TSKU: variants seen among roughly 807,000 people sequenced by gnomAD.
The protein encoded by TSKU is tsukushi, small leucine rich proteoglycan, also known as tsukushi.
In TSKU, 4 loss-of-function variants were observed where a neutral mutation model predicts 11.2. The ratio of observed to expected loss-of-function variants is 0.36; its 90% CI spans 0.18 to 0.82. The LOEUF is 0.82. TSKU is among the 40% of genes least tolerant of loss of function. The pLI, the probability that TSKU is intolerant of heterozygous loss-of-function variation, is 0.50. For synonymous variants in TSKU, 220 were observed against 232.2 expected (o/e 0.95, Z 0.48); for missense variants, 407 against 482.5 (o/e 0.84, Z 1.47).
chr11:76,796,332 T>TGCAGAGGCTCCCTGAGCTGGCGC lies in TSKU; in HGVS notation c.717_739dup (p.Pro247ArgfsTer40). The stretch of plus-strand genomic sequence containing the variant: ...CTTACACACCTGTCTCTGGCCAGCC[T>TGCAGAGGCTCCCTGAGCTGGCGC]GCAGAGGCTCCCTGAGCTGGCGCCC... On this transcript the variant is annotated frameshift_variant, in exon 2 of 2. Coordinates refer to ENST00000333090, the MANE Select transcript of TSKU (RefSeq NM_015516.4). LOFTEE classifies it high-confidence loss of function. The surrounding 1 kb of genome is among the most constrained non-coding windows in gnomAD (Gnocchi z 4.1). The TGCAGAGGCTCCCTGAGCTGGCGC allele has an allele frequency of 6.2e-7, 1 of 1,613,326 alleles. No homozygotes were observed. The highest frequency in any genetic ancestry group is 8.5e-7 in the Non-Finnish European group (1 of 1,180,002).
Position 76,796,022 on chromosome 11 carries a change from G to C in TSKU, c.406G>C (p.Val136Leu). 1 of 1,613,906 alleles carries C rather than the reference G, an allele frequency of 6.2e-7. No homozygotes were observed. Among genetic ancestry groups the C allele is most frequent in the Non-Finnish European group, 8.5e-7 (1 of 1,180,010 alleles). The change falls in exon 2 of 2, where the codon GTG (valine) becomes CTG (leucine). Residue 136 changes from valine (V) to leucine (L), a missense_variant. By Grantham distance (32) the Val-to-Leu change is conservative. Coordinates refer to ENST00000333090, the MANE Select transcript of TSKU (RefSeq NM_015516.4). This position sits in a 1 kb window ranked among gnomAD's most constrained non-coding sequence, Gnocchi z 4.1. ...CTTCACCAGCTCACCCCTGAGCGAC[G>C]TGAACCTTAGCCACAACCAGCTCCG... The part of the protein sequence containing the change: ...ESFTSSPLSD[V>L]NLSHNQLREV...
chr11:76,793,190 C>T (rs57362191), intron 1 of TSKU, among the ~76,000 whole-genome samples: 2 of 152,402 alleles, frequency 1.3e-5, no homozygotes, highest in African/African-American at 4.8e-5. Context: ...ACCTAGGTAA[C>T]TCCTGCCCCT....
chr11:76,783,745 G>A (rs1016120679), intron 1 of TSKU, among the ~76,000 whole-genome samples: 1 of 152,202 alleles, frequency 6.6e-6, no homozygotes, highest in Admixed American at 6.5e-5. Flanking sequence ...GTGGCTTTGC[G>A]CGGCTGCTTT....
intron 1 of TSKU, among the ~76,000 whole-genome samples, chr11:76,793,805 T>A (rs1398285524): frequency 6.7e-6 from 1 of 149,846 alleles, no homozygotes; most frequent in Non-Finnish European, 1.5e-5. Flanking sequence ...AAGAAAGGGG[T>A]GGGAGAGGAG....
At chr11:76,786,097 A>G (rs184610648) in intron 1 of TSKU, among the ~76,000 whole-genome samples, 1 of 152,366 alleles carries the variant, frequency 6.6e-6, no homozygotes, top group African/African-American at 2.4e-5. Context: ...TGATCTCACC[A>G]GCGGGCAGAG....
At position 76,784,898 on chromosome 11, in the gene TSKU, G is replaced by A. The variant is rs552348364; in HGVS notation, c.-9+1494G>A. Among the ~76,000 whole-genome samples, 49 of 152,286 alleles carry A rather than the reference G, an allele frequency of 3.2e-4. No individual in the cohort carries two copies. In the South Asian group the frequency reaches 9.6e-3, roughly 30 times the overall value. On this transcript the variant is annotated intron_variant, in intron 1 of 1. Coordinates refer to ENST00000333090, the MANE Select transcript of TSKU (RefSeq NM_015516.4). ...CTGCAGACATGATGGAAGGGCACAGGCCGCTAACCTGGGAAAGAAACAACT... is the reference window on the plus strand; with the variant it reads ...CTGCAGACATGATGGAAGGGCACAGACCGCTAACCTGGGAAAGAAACAACT...
intron 1 of TSKU, chr11:76,792,218 C>T (rs201982805): frequency 1.3e-5 from 2 of 152,256 alleles, no homozygotes; most frequent in Admixed American, 1.3e-4. Context: ...TTTGAACTTG[C>T]CTGGGGCCTG....
At chr11:76,784,769 C>A (rs1944294439) in intron 1 of TSKU, among the ~76,000 whole-genome samples, 1 of 147,698 alleles carries the variant, frequency 6.8e-6, no homozygotes, top group African/African-American at 2.5e-5. Context: ...GTGCTCAGAG[C>A]TGCAGGAGCC....
At chr11:76,794,852 T>C (rs988231582) in intron 1 of TSKU, among the ~76,000 whole-genome samples, 5 of 152,124 alleles carry the variant, frequency 3.3e-5, no homozygotes, top group Non-Finnish European at 5.9e-5. Context: ...GGGCAGTCAC[T>C]GCAGGCCCCA....
chr11:76,794,225 C>G (rs548005880), intron 1 of TSKU, among the ~76,000 whole-genome samples: 9 of 152,214 alleles, frequency 5.9e-5, no homozygotes, highest in African/African-American at 1.9e-4. Context: ...CATGCTGGCA[C>G]CACTGAGCAC....
intron 1 of TSKU, among the ~76,000 whole-genome samples, chr11:76,786,032 A>C (rs1399767351): frequency 2.6e-5 from 4 of 152,252 alleles, no homozygotes; most frequent in African/African-American, 9.6e-5. Flanking sequence ...GCAGACATTC[A>C]TTGGATTGCA....
upstream of TSKU, chr11:76,783,281 G>GA (rs1944260440): frequency 1.3e-5 from 2 of 150,580 alleles, no homozygotes; most frequent in South Asian, 4.1e-4. Context: ...CGGCAGGGGG[G>GA]AGCCTGGCTG....
Position 76,797,916 on chromosome 11 carries a change from TG to T in TSKU, c.*1240del, listed in dbSNP as rs1376001328. On this transcript the variant is annotated 3_prime_UTR_variant, in exon 2 of 2. Transcript: ENST00000333090. ...CTCCCCTACCCCTGCTGGCCGGGGATGGAGACATGTCATTTGTAAAAGCAGA... is the reference window on the plus strand; with the variant it reads ...CTCCCCTACCCCTGCTGGCCGGGGATGAGACATGTCATTTGTAAAAGCAGA... 1.2e-5 allele frequency: 2 copies of T among 167,152 alleles called. No homozygotes were observed. The highest frequency in any genetic ancestry group is 4.8e-5 in the African/African-American group (2 of 41,474). 10.4% of individuals were successfully genotyped at this position (167,152 alleles called of 1,614,324 possible). A position where few individuals can be genotyped will look rare whatever the true frequency, so the allele number is the denominator to read the frequency against.
At chr11:76,784,372 G>C (rs1590815026) in intron 1 of TSKU, 3 of 152,430 alleles carry the variant, frequency 2.0e-5, no homozygotes, top group Admixed American at 2.0e-4. Context: ...CCCGGTAGGG[G>C]AGAGGGGGAC....
rs1224410314 is a variant in TSKU, at chr11:76,796,998, C to T, written c.*320C>T. ...CCCTCATGCCTGGGCCGGCCTGACCCGCAATGGGCAGAGGGTGGGTGGGAC... is the reference window on the plus strand; with the variant it reads ...CCCTCATGCCTGGGCCGGCCTGACCTGCAATGGGCAGAGGGTGGGTGGGAC... On this transcript the variant is annotated 3_prime_UTR_variant, in exon 2 of 2. Transcript: ENST00000333090. The surrounding 1 kb of genome is among the most constrained non-coding windows in gnomAD (Gnocchi z 4.1). 3.0e-5 allele frequency: 7 copies of T among 233,656 alleles called. No individual in the cohort carries two copies. The highest frequency in any genetic ancestry group is 6.3e-5 in the Non-Finnish European group (7 of 111,442). 14.5% of individuals were successfully genotyped at this position (233,656 alleles called of 1,614,324 possible).
chr11:76,783,105 G>A (rs1157326023), upstream of TSKU: 5 of 152,274 alleles, frequency 3.3e-5, no homozygotes, highest in South Asian at 2.1e-4. Flanking sequence ...AGCTGTGAGC[G>A]AGGCCAACTA....
intron 1 of TSKU, among the ~76,000 whole-genome samples, chr11:76,787,236 G>A (rs185470724): frequency 2.3e-4 from 35 of 152,256 alleles, no homozygotes; most frequent in Non-Finnish European, 4.4e-4. Context: ...GCCCCATAGC[G>A]CCTCCTCATG....
chr11:76,790,552 G>A (rs1338261465), intron 1 of TSKU, among the ~76,000 whole-genome samples: 6 of 152,142 alleles, frequency 3.9e-5, no homozygotes, highest in Admixed American at 6.5e-5. Context: ...AACTTGAATT[G>A]TATCTCCCAG....
intron 1 of TSKU, among the ~76,000 whole-genome samples, chr11:76,794,584 G>A (rs943852142): frequency 6.6e-6 from 1 of 152,244 alleles, no homozygotes; most frequent in African/African-American, 2.4e-5. Context: ...CTGAGCCTCT[G>A]TTTCTTCATC....
Sources: allele counts gnomAD v4.1 joint callset (sites outside exome capture counted in the v4.1 genomes callset), GRCh38; gene constraint gnomAD v4.1.1; non-coding constraint Gnocchi (gnomAD v3.1); transcripts MANE v1.5; gene names NCBI Gene and HGNC (gene_info 2026-07-23, HGNC 2026-07-21).